The following SAMD12 variants were observed in gnomAD, a reference collection of about 807,000 sequenced individuals.
SAMD12 encodes the protein sterile alpha motif domain containing 12, also known as sterile alpha motif domain-containing protein 12.
SAMD12 carries 9 observed loss-of-function variants against 15.0 expected under a neutral mutation model. The ratio of observed to expected loss-of-function variants is 0.60; its 90% CI spans 0.36 to 1.05. SAMD12 has a LOEUF of 1.05. Ranked by LOEUF, SAMD12 falls within the 50% of genes least tolerant of loss-of-function variation. SAMD12 has a pLI of 0.01. For synonymous variants in SAMD12, 86 were observed against 90.1 expected (o/e 0.96, Z 0.25); for missense variants, 230 against 234.2 (o/e 0.98, Z 0.12).
chr8:118,280,916 C>T (rs908725850), intron 4 of SAMD12, among the ~76,000 whole-genome samples: 9 of 152,130 alleles, frequency 5.9e-5, no homozygotes, highest in African/African-American at 9.7e-5. Flanking sequence ...GTGTATTCTG[C>T]GTCCTCAAGC....
chr8:118,326,895 A>G (rs970554315), intron 4 of SAMD12, among the ~76,000 whole-genome samples: 1 of 152,212 alleles, frequency 6.6e-6, no homozygotes, highest in Non-Finnish European at 1.5e-5. Flanking sequence ...ATGCTTACGT[A>G]TAATTAGCTT....
chr8:118,478,360 C>G (rs1824024979), intron 2 of SAMD12, among the ~76,000 whole-genome samples: 1 of 152,148 alleles, frequency 6.6e-6, no homozygotes, highest in South Asian at 2.1e-4. Context: ...AGCCCCTGAC[C>G]ACCCAAAGAC....
chr8:118,177,191 T>C, the SAMD12 span, among the ~76,000 whole-genome samples: 1 of 151,662 alleles, frequency 6.6e-6, no homozygotes, highest in Non-Finnish European at 1.5e-5. Flanking sequence ...GAGCTGCTCA[T>C]GAGTTGAGTT....
At chr8:118,180,786 C>T in the SAMD12 span, among the ~76,000 whole-genome samples, 2 of 152,128 alleles carry the variant, frequency 1.3e-5, no homozygotes, top group Non-Finnish European at 2.9e-5. Context: ...TGCTCAAAAT[C>T]CTGGGCTCAA....
At chr8:118,586,897 CAT>C (rs762369706) in intron 1 of SAMD12, among the ~76,000 whole-genome samples, 15 of 152,200 alleles carry the variant, frequency 9.9e-5, no homozygotes, top group Non-Finnish European at 1.6e-4. Context: ...TGATGCGTAA[CAT>C]ATATTTTTCA....
intron 2 of SAMD12, among the ~76,000 whole-genome samples, chr8:118,502,757 C>T (rs1824820095): frequency 6.6e-6 from 1 of 152,206 alleles, no homozygotes; most frequent in Non-Finnish European, 1.5e-5. Context: ...CAGGCTTTTG[C>T]AGCACTGAAT....
chr8:118,457,197 ACTG>A, intron 2 of SAMD12, among the ~76,000 whole-genome samples: 1 of 148,376 alleles, frequency 6.7e-6, no homozygotes, highest in South Asian at 2.2e-4. Flanking sequence ...CACTTCCACT[ACTG>A]CTACTAACTC....
chr8:118,613,789 T>C (rs542960697), intron 1 of SAMD12, among the ~76,000 whole-genome samples: 6 of 152,306 alleles, frequency 3.9e-5, no homozygotes, highest in Non-Finnish European at 8.8e-5. Context: ...GTAATCAACT[T>C]ACTTTGCATA....
chr8:118,570,309 G>T (rs2131232670), intron 2 of SAMD12, among the ~76,000 whole-genome samples: 1 of 152,200 alleles, frequency 6.6e-6, no homozygotes, highest in South Asian at 2.1e-4. Flanking sequence ...TATCACCCAG[G>T]TATTAAGCTT....
intron 3 of SAMD12, among the ~76,000 whole-genome samples, chr8:118,432,870 A>C (rs952238421): frequency 1.3e-5 from 2 of 152,132 alleles, no homozygotes; most frequent in Non-Finnish European, 2.9e-5. Flanking sequence ...ACCACCACTG[A>C]CAACAACCAC....
chr8:118,592,788 A>G (rs1279146550), intron 1 of SAMD12, among the ~76,000 whole-genome samples: 1 of 152,212 alleles, frequency 6.6e-6, no homozygotes, highest in Non-Finnish European at 1.5e-5. Flanking sequence ...TTGTTAGGGA[A>G]GGTAGAAGGT....
Position 118,439,851 on chromosome 8 carries a change from G to A in SAMD12, c.303C>T (p.Phe101=). 1.9e-6 allele frequency: 3 copies of A among 1,613,432 alleles called. No individual in the cohort carries two copies. Among genetic ancestry groups the A allele is most frequent in the Non-Finnish European group, 2.5e-6 (3 of 1,179,436 alleles). Residue 101 remains phenylalanine (F), a synonymous_variant, in exon 3 of 4, where the codon TTC becomes TTT. Coordinates refer to ENST00000314727, the MANE Select transcript of SAMD12 (RefSeq NM_207506.3). ...CTTTACCAGTTATGTCATGCTGTTT[G>A]AATGACTCACTGTAGATCTGATACT... ...PNQYQIYSES[F]KQHDITGRAL... is the part of the protein sequence containing the mutation.
rs560999752 is a variant in SAMD12 at position 118,352,835 on chromosome 8, A to G, written c.433+26725T>C. Among the ~76,000 whole-genome samples the G allele has an allele frequency of 3.3e-3, 497 of 152,292 alleles. 3 individuals are homozygous for G. The highest frequency in any genetic ancestry group is 3.1e-3 in the Non-Finnish European group (214 of 68,022). On this transcript the variant is annotated intron_variant, in intron 4 of 4. Coordinates refer to the SAMD12 transcript ENST00000409003. The stretch of plus-strand genomic sequence containing the variant: ...TAGAAAGGGGTACATGCAAAGACCT[A>G]TGCTAACCGTAGAGCCAGCAAATGA...
At chr8:118,342,802 G>A (rs1426007217) in intron 4 of SAMD12, among the ~76,000 whole-genome samples, 2 of 152,110 alleles carry the variant, frequency 1.3e-5, no homozygotes, top group African/African-American at 4.8e-5. Flanking sequence ...TGATATAGGT[G>A]GGCCATGTAC....
chr8:118,367,820 C>A (rs11984748), intron 4 of SAMD12, among the ~76,000 whole-genome samples: 24,103 of 152,074 alleles, frequency 0.16, 2,170 homozygotes, highest in Non-Finnish European at 0.18. Context: ...CATATGCTGG[C>A]TAGAGGAACC....
Position 118,378,901 on chromosome 8 carries a change from TG to T in SAMD12, c.*515del, listed in dbSNP as rs1819519943. ...TCATATTGAAGTTATTTATAATTCC[TG>T]TTAAGAATTATATACTCTTAACAGT... On this transcript the variant is annotated 3_prime_UTR_variant, in exon 4 of 4. Transcript: ENST00000314727. The T allele has an allele frequency of 1.0e-6, 1 of 954,892 alleles. No individual in the cohort carries two copies. The highest frequency in any genetic ancestry group is 1.8e-5 in the African/African-American group (1 of 56,622). The allele number at this position is 954,892 out of a possible 1,614,324, so 59.2% of individuals were successfully genotyped here. A position where few individuals can be genotyped will look rare whatever the true frequency, so the allele number is the denominator to read the frequency against.
At chr8:118,400,368 A>G (rs2130784596) in intron 3 of SAMD12, 1 of 152,366 alleles carries the variant, frequency 6.6e-6, no homozygotes, top group South Asian at 2.1e-4. Context: ...GGACCACCAG[A>G]TTTCAAACCT....
intron 2 of SAMD12, among the ~76,000 whole-genome samples, chr8:118,564,324 C>T (rs552214002): frequency 1.5e-4 from 23 of 152,114 alleles, no homozygotes; most frequent in African/African-American, 4.3e-4. Context: ...CCCAGCAATA[C>T]ATGGTAGAGG....
the SAMD12 span, among the ~76,000 whole-genome samples, chr8:118,165,330 A>G: frequency 6.6e-6 from 1 of 152,002 alleles, no homozygotes; most frequent in African/African-American, 2.4e-5. Flanking sequence ...GACAGAAGAG[A>G]TGCATTGGGA....
Sources: gnomAD v4.1 joint callset for allele counts (sites outside exome capture counted in the v4.1 genomes callset) on GRCh38, gnomAD v4.1.1 for gene constraint, MANE v1.5 for transcripts, NCBI Gene and HGNC (gene_info 2026-07-23, HGNC 2026-07-21) for gene names.